Variants in IMMP2L observed in about 807,000 individuals in gnomAD.
IMMP2L encodes mitochondrial inner membrane protease subunit 2.
In IMMP2L, 18 loss-of-function variants were observed where a neutral mutation model predicts 19.3. The ratio of observed to expected loss-of-function variants is 0.93; its 90% CI spans 0.64 to 1.38. The LOEUF (loss-of-function observed/expected upper bound fraction) is 1.38, where lower values mean the gene tolerates loss of function less well. IMMP2L is among the 40% of genes most tolerant of loss of function. IMMP2L has a pLI of 0.00. For missense variants in IMMP2L, 233 were observed against 218.2 expected, an observed-to-expected ratio of 1.07 and a Z score of -0.43; for synonymous variants, 76 against 73.0, an observed-to-expected ratio of 1.04 and a Z score of -0.21.
intron 4 of IMMP2L, among the ~76,000 whole-genome samples, chr7:110,913,265 A>G (rs929363529): frequency 1.3e-5 from 2 of 152,246 alleles, no homozygotes; most frequent in South Asian, 2.1e-4. Context: ...AAATATGACA[A>G]TGAGATTTGA....
chr7:111,264,903 T>C (rs1422628975), intron 3 of IMMP2L, among the ~76,000 whole-genome samples: 2 of 152,154 alleles, frequency 1.3e-5, no homozygotes, highest in Admixed American at 6.6e-5. Flanking sequence ...AGGACGCTGA[T>C]ATACTGAATT....
intron 3 of IMMP2L, among the ~76,000 whole-genome samples, chr7:111,022,441 A>G (rs1826380072): frequency 6.6e-6 from 1 of 152,166 alleles, no homozygotes; most frequent in Admixed American, 6.5e-5. Context: ...CAATCTTTAC[A>G]AGTGTTTTTT....
At chr7:111,007,391 T>TAGGG (rs1295094326) in intron 3 of IMMP2L, among the ~76,000 whole-genome samples, 1 of 152,080 alleles carries the variant, frequency 6.6e-6, no homozygotes, top group Non-Finnish European at 1.5e-5. Context: ...TCAGAATTGC[T>TAGGG]AGGGTCAGCA....
At chr7:111,400,182 A>G (rs1181378725) in intron 3 of IMMP2L, among the ~76,000 whole-genome samples, 1 of 152,134 alleles carries the variant, frequency 6.6e-6, no homozygotes, top group Non-Finnish European at 1.5e-5. Flanking sequence ...TATGTCTCAG[A>G]TATTTTATCA....
intron 3 of IMMP2L, among the ~76,000 whole-genome samples, chr7:111,176,254 T>A (rs1033824257): frequency 6.6e-6 from 1 of 151,876 alleles, no homozygotes; most frequent in Admixed American, 6.6e-5. Flanking sequence ...GATCCAGCAC[T>A]CCCACACAAG....
chr7:110,852,459 C>T (rs923171579), intron 5 of IMMP2L, among the ~76,000 whole-genome samples: 6 of 151,944 alleles, frequency 3.9e-5, no homozygotes, highest in African/African-American at 1.4e-4. Flanking sequence ...GCACATGCAA[C>T]GGGGTGCATT....
At chr7:111,270,660 A>G (rs1344571516) in intron 3 of IMMP2L, among the ~76,000 whole-genome samples, 2 of 152,182 alleles carry the variant, frequency 1.3e-5, no homozygotes, top group African/African-American at 4.8e-5. Flanking sequence ...GTAGTTGCCA[A>G]GGTAAAGAGT....
chr7:111,286,583 T>C (rs1010237645), intron 3 of IMMP2L, among the ~76,000 whole-genome samples: 2 of 152,148 alleles, frequency 1.3e-5, no homozygotes, highest in Admixed American at 6.5e-5. Context: ...TAGAGACCGT[T>C]TTGATAAGGA....
At chr7:111,018,976 T>C (rs1325091663) in intron 3 of IMMP2L, among the ~76,000 whole-genome samples, 5 of 152,096 alleles carry the variant, frequency 3.3e-5, no homozygotes, top group Non-Finnish European at 5.9e-5. Context: ...ACTGAGTTAG[T>C]GAACATATTC....
intron 5 of IMMP2L, among the ~76,000 whole-genome samples, chr7:110,701,651 C>T (rs144593593): frequency 0.01 from 1,561 of 152,228 alleles, 33 homozygotes; most frequent in African/African-American, 0.035. Flanking sequence ...TCTCAAACTC[C>T]TGACCTCAGG....
At chr7:111,066,762 C>T (rs1048870293) in intron 3 of IMMP2L, among the ~76,000 whole-genome samples, 4 of 152,154 alleles carry the variant, frequency 2.6e-5, no homozygotes, top group Non-Finnish European at 5.9e-5. Context: ...GTCTGATTGC[C>T]TGGAGGCCTT....
chr7:111,558,685 A>C (rs1250529849), intron 1 of IMMP2L, among the ~76,000 whole-genome samples: 4 of 152,256 alleles, frequency 2.6e-5, no homozygotes, highest in Non-Finnish European at 4.4e-5. Flanking sequence ...CCTCCAAAAC[A>C]CTATTATATA....
At chr7:111,118,032 C>T (rs746823940) in intron 3 of IMMP2L, among the ~76,000 whole-genome samples, 64 of 152,070 alleles carry the variant, frequency 4.2e-4, no homozygotes, top group Non-Finnish European at 8.2e-4. Context: ...ATAAGTATCA[C>T]AAAAGACCAC....
At chr7:111,257,647 CCTA>C (rs1816856726) in intron 3 of IMMP2L, among the ~76,000 whole-genome samples, 1 of 151,966 alleles carries the variant, frequency 6.6e-6, no homozygotes, top group African/African-American at 2.4e-5. Context: ...CTTTCTTTGC[CCTA>C]CTGATTCGTT....
chr7:111,074,171 A>C (rs1214494320), intron 3 of IMMP2L, among the ~76,000 whole-genome samples: 4 of 152,254 alleles, frequency 2.6e-5, no homozygotes, highest in African/African-American at 7.2e-5. Context: ...AATAAGGTCC[A>C]GACAGGTTAA....
intron 1 of IMMP2L, among the ~76,000 whole-genome samples, chr7:111,524,367 G>A (rs1414462736): frequency 6.6e-6 from 1 of 152,108 alleles, no homozygotes; most frequent in Non-Finnish European, 1.5e-5. Context: ...CTACGTAGAA[G>A]AGAAAGGAAA....
intron 3 of IMMP2L, among the ~76,000 whole-genome samples, chr7:111,215,695 G>A (rs1191757227): frequency 6.6e-6 from 1 of 152,094 alleles, no homozygotes; most frequent in African/African-American, 2.4e-5. Context: ...GCTTTAGAAG[G>A]AAACTGTGGC....
In IMMP2L at chr7:111,338,418, T is replaced by C. The variant is rs1826678083; in HGVS notation, c.239+148820A>G. On this transcript the variant is annotated intron_variant, in intron 3 of 5. Transcript: ENST00000405709. Reference sequence around the variant, plus strand: ...CCCACCCCTGTCATTCTAGTTACAGTAAATTGTTATTGCATAAATGGGGAC... The same window carrying C: ...CCCACCCCTGTCATTCTAGTTACAGCAAATTGTTATTGCATAAATGGGGAC... 1.3e-5 allele frequency among the ~76,000 whole-genome samples: 2 copies of C among 151,910 alleles called. 1 individual carries two copies. The highest frequency in any genetic ancestry group is 4.8e-5 in the African/African-American group (2 of 41,358).
intron 3 of IMMP2L, among the ~76,000 whole-genome samples, chr7:111,203,438 A>T (rs1408257377): frequency 6.6e-6 from 1 of 152,130 alleles, no homozygotes; most frequent in African/African-American, 2.4e-5. Context: ...AGATAGATAC[A>T]GATTATTGGG....
Sources: gnomAD v4.1 joint callset for allele counts (sites outside exome capture counted in the v4.1 genomes callset) on GRCh38, gnomAD v4.1.1 for gene constraint, MANE v1.5 for transcripts, NCBI Gene and HGNC (gene_info 2026-07-23, HGNC 2026-07-21) for gene names.